MOK: variants seen among roughly 807,000 people sequenced by gnomAD.
MOK encodes MAPK/MAK/MRK overlapping kinase.
MOK carries 59 observed loss-of-function variants against 54.2 expected under a neutral mutation model. The ratio of observed to expected loss-of-function variants is 1.09; its 90% CI spans 0.88 to 1.35. The LOEUF is 1.35. Ranked by LOEUF, MOK falls within the 40% of genes most tolerant of loss-of-function variation. The pLI, the probability that MOK is intolerant of heterozygous loss-of-function variation, is 0.00. For synonymous variants in MOK, 210 were observed against 202.7 expected (o/e 1.04, Z -0.31); for missense variants, 517 against 526.2 (o/e 0.98, Z 0.17).
At position 102,278,358 on chromosome 14, in the gene MOK, G is replaced by A. The variant is rs114956637; in HGVS notation, c.122+5120C>T. 4.6e-3 allele frequency among the ~76,000 whole-genome samples: 690 copies of A among 148,950 alleles called. 6 individuals are homozygous for A. Among genetic ancestry groups the A allele is most frequent in the African/African-American group, 0.016 (643 of 39,814 alleles). On this transcript the variant is annotated intron_variant, in intron 2 of 11. Coordinates refer to ENST00000361847, the MANE Select transcript of MOK (RefSeq NM_014226.3). ...GCTGTTCATTTTGTATATGCTTGAG[G>A]TTTTTCATATTATACTTTTAAGTAA...
chr14:102,251,357 CTGCTGACAGCCAGTGACAGG>C (rs2066512402), intron 6 of MOK: 2 of 390,278 alleles, frequency 5.1e-6, no homozygotes, highest in Non-Finnish European at 9.7e-6. Flanking sequence ...TCAGAGGACT[CTGCTGACAGCCAGTGACAGG>C]TGCTGGGAAA....
chr14:102,238,520 C>G lies in MOK; in HGVS notation c.591-4731G>C, dbSNP rs965911065. 2 of 152,220 alleles carry G rather than the reference C, an allele frequency of 1.3e-5. No homozygotes were observed. The highest frequency in any genetic ancestry group is 4.8e-5 in the African/African-American group (2 of 41,412). The allele number at this position is 152,220 out of a possible 1,614,324, so 9.4% of individuals were successfully genotyped here. On this transcript the variant is annotated intron_variant, in intron 7 of 11. Transcript: ENST00000361847. This position sits in a 1 kb window ranked among gnomAD's most constrained non-coding sequence, Gnocchi z 4.8. ...GAACAGATAAAATCTCAAGAGGCAA[C>G]AGAAAGACCAATGGGGCAGCAAAAG... is the stretch of plus-strand genomic sequence containing the variant.
rs768086564 is a variant in MOK, at chr14:102,251,866, ATGT to A, written c.362+48_362+50del. On this transcript the variant is annotated intron_variant, in intron 5 of 11. Transcript: ENST00000361847. ...CATTTATTCAAATTCTTGAATCTGA[ATGT>A]TAACACATTTTATTAATTTCAGAGC... is the stretch of plus-strand genomic sequence containing the variant. 20 of 1,537,512 alleles carry A rather than the reference ATGT, an allele frequency of 1.3e-5. 1 individual carries two copies. The South Asian group carries it at 2.2e-4, about 17-fold the overall frequency.
Position 102,253,993 on chromosome 14 carries a change from T to A in MOK, c.284-1998A>T, listed in dbSNP as rs1357385816. Reference sequence around the variant, plus strand: ...TGTCTAGGTGCAATTAGCTTTTTCTTTTTTTTTTTGGGACGAAGTGTAGCA... The same window carrying A: ...TGTCTAGGTGCAATTAGCTTTTTCTATTTTTTTTTGGGACGAAGTGTAGCA... On this transcript the variant is annotated intron_variant, in intron 4 of 11. Transcript: ENST00000361847. Among the ~76,000 whole-genome samples the A allele has an allele frequency of 9.6e-5, 14 of 146,114 alleles. No individual in the cohort carries two copies. The East Asian group carries it at 2.7e-3, about 28-fold the overall frequency.
At chr14:102,288,107 T>C (rs1287558225) in intron 1 of MOK, among the ~76,000 whole-genome samples, 1 of 150,780 alleles carries the variant, frequency 6.6e-6, no homozygotes, top group Non-Finnish European at 1.5e-5. Context: ...GTGCTGGGAT[T>C]ACAGGCGTGA....
At chr14:102,293,659 C>T (rs2071024701) in intron 1 of MOK, among the ~76,000 whole-genome samples, 2 of 132,498 alleles carry the variant, frequency 1.5e-5, no homozygotes, top group African/African-American at 3.0e-5. Context: ...GATCATAGCA[C>T]CATTGCACTC....
chr14:102,268,463 G>A (rs2068083347), intron 2 of MOK, among the ~76,000 whole-genome samples: 1 of 151,996 alleles, frequency 6.6e-6, no homozygotes, highest in Non-Finnish European at 1.5e-5. Context: ...CATTCAGTTT[G>A]TTTTTGTTTA....
chr14:102,224,037 ATT>A (rs533802492), downstream of MOK, among the ~76,000 whole-genome samples: 21 of 123,104 alleles, frequency 1.7e-4, no homozygotes, highest in African/African-American at 1.5e-4. Flanking sequence ...TTTACCTGAG[ATT>A]TTTTTTTTTT....
In MOK at chr14:102,251,942, A is replaced by T; in HGVS notation, c.337T>A (p.Cys113Ser). The part of the protein sequence containing the change: ...KKIMHYMYQL[C>S]KSLDHIHRNG... The stretch of plus-strand genomic sequence containing the variant: ...CTGTGAATATGATCCAGGGACTTAC[A>T]TAACTGGTACATATAGTGCATAATT... The change falls in exon 5 of 12, where the codon TGT becomes AGT. Residue 113 changes from cysteine (C) to serine (S), a missense_variant. Coordinates refer to ENST00000361847, the MANE Select transcript of MOK (RefSeq NM_014226.3). 1 of 1,607,128 alleles carries T rather than the reference A, an allele frequency of 6.2e-7. No individual in the cohort carries two copies.
chr14:102,268,362 T>A (rs2068074463), intron 2 of MOK, among the ~76,000 whole-genome samples: 1 of 150,738 alleles, frequency 6.6e-6, no homozygotes, highest in South Asian at 2.1e-4. Flanking sequence ...TCCCCTCTTT[T>A]AAAATCATGA....
downstream of MOK, among the ~76,000 whole-genome samples, chr14:102,228,467 C>T (rs1013155987): frequency 2.6e-5 from 4 of 152,062 alleles, no homozygotes; most frequent in Admixed American, 6.5e-5. Flanking sequence ...GAGGCCGAGG[C>T]GGGAGGATCA....
Position 102,235,561 on chromosome 14 carries a change from C to A in MOK, c.591-1772G>T, listed in dbSNP as rs2065148859. The A allele has an allele frequency of 6.6e-6, 1 of 152,218 alleles. No homozygotes were observed. Among genetic ancestry groups the A allele is most frequent in the Non-Finnish European group, 1.5e-5 (1 of 68,054 alleles). 9.4% of individuals were successfully genotyped at this position (152,218 alleles called of 1,614,324 possible). ...AGGCCCCTGCCAGACCTCCTGTAATCATATGATTACTTGCCTCACTGCAGG... is the reference window on the plus strand; with the variant it reads ...AGGCCCCTGCCAGACCTCCTGTAATAATATGATTACTTGCCTCACTGCAGG... On this transcript the variant is annotated intron_variant, in intron 7 of 11. Coordinates refer to ENST00000361847, the MANE Select transcript of MOK (RefSeq NM_014226.3). This position sits in a 1 kb window ranked among gnomAD's most constrained non-coding sequence, Gnocchi z 4.4.
chr14:102,304,184 T>A (rs2072532281), intron 1 of MOK, among the ~76,000 whole-genome samples: 1 of 152,214 alleles, frequency 6.6e-6, no homozygotes, highest in Non-Finnish European at 1.5e-5. Flanking sequence ...ACATTATAAC[T>A]ACTCCTAACA....
Position 102,245,895 on chromosome 14 carries a change from C to A in MOK, c.590+4917G>T, listed in dbSNP as rs1042783290. On this transcript the variant is annotated intron_variant, in intron 7 of 11. Transcript: ENST00000361847. The surrounding 1 kb of genome is among the most constrained non-coding windows in gnomAD (Gnocchi z 4.3). ...CACCAACTTCTAACTGGTATTCCAG[C>A]ACACTCCTTGGGCCAACCTGACTCC... Among the ~76,000 whole-genome samples, 2 of 152,184 alleles carry A rather than the reference C, an allele frequency of 1.3e-5. No homozygotes were observed. Among genetic ancestry groups the A allele is most frequent in the African/African-American group, 4.8e-5 (2 of 41,432 alleles).
chr14:102,298,805 TTATG>T (rs2071775497), intron 1 of MOK, among the ~76,000 whole-genome samples: 1 of 152,200 alleles, frequency 6.6e-6, no homozygotes, highest in South Asian at 2.1e-4. Context: ...CAGGCTGCTT[TTATG>T]AGCTGCAACA....
Position 102,235,214 on chromosome 14 carries a change from C to T in MOK, c.591-1425G>A, listed in dbSNP as rs1403614969. On this transcript the variant is annotated intron_variant, in intron 7 of 11. Coordinates refer to ENST00000361847, the MANE Select transcript of MOK (RefSeq NM_014226.3). This position sits in a 1 kb window ranked among gnomAD's most constrained non-coding sequence, Gnocchi z 4.4. Reference sequence around the variant, plus strand: ...GCAGCCTGCTCCCTTGCTTCTTCTCCGGGAAGTGGCATGGGCCGAAGGGAT... The same window carrying T: ...GCAGCCTGCTCCCTTGCTTCTTCTCTGGGAAGTGGCATGGGCCGAAGGGAT... 2.0e-5 allele frequency among the ~76,000 whole-genome samples: 3 copies of T among 152,230 alleles called. No individual in the cohort carries two copies. Among genetic ancestry groups the T allele is most frequent in the South Asian group, 2.1e-4 (1 of 4,836 alleles).
At chr14:102,243,381 T>C (rs2065861198) in intron 7 of MOK, among the ~76,000 whole-genome samples, 1 of 152,202 alleles carries the variant, frequency 6.6e-6, no homozygotes, top group Admixed American at 6.5e-5. Flanking sequence ...GGCTGTGCAG[T>C]TGAAATTCTT....
chr14:102,257,912 G>A (rs561517225), intron 4 of MOK, among the ~76,000 whole-genome samples: 2 of 151,810 alleles, frequency 1.3e-5, no homozygotes, highest in East Asian at 1.9e-4. Flanking sequence ...GGGAGGCAGA[G>A]GTCGCAGTGA....
rs190538860 is a variant in MOK at position 102,284,111 on chromosome 14, C to T, written c.8-519G>A. ...GTGTGCTGCCACCACATCACCCCAG[C>T]CCTGATAATGGTTTTGGAAGCCTCT... On this transcript the variant is annotated intron_variant, in intron 1 of 11. Coordinates refer to ENST00000361847, the MANE Select transcript of MOK (RefSeq NM_014226.3). 3.3e-5 allele frequency among the ~76,000 whole-genome samples: 5 copies of T among 152,194 alleles called. No individual in the cohort carries two copies. The South Asian group carries it at 1.0e-3, about 32-fold the overall frequency.
Sources: gnomAD v4.1 joint callset for allele counts (sites outside exome capture counted in the v4.1 genomes callset) on GRCh38, gnomAD v4.1.1 for gene constraint, Gnocchi (gnomAD v3.1) non-coding constraint, MANE v1.5 for transcripts, NCBI Gene and HGNC (gene_info 2026-07-23, HGNC 2026-07-21) for gene names.